SAMD9: variants seen among roughly 807,000 people sequenced by gnomAD.
SAMD9 encodes the protein sterile alpha motif domain-containing protein 9.
Under a neutral mutation model 1.5 loss-of-function variants are expected in SAMD9, and 3 were observed. That is an observed-to-expected ratio of 2.05 (90% CI 0.93 to 5.29). The LOEUF (loss-of-function observed/expected upper bound fraction) is 5.29. Ranked by LOEUF, SAMD9 falls within the 30% of genes most tolerant of loss-of-function variation. The probability of loss-of-function intolerance (pLI) is 0.02; values close to 1 mark genes in which losing one functional copy is unlikely to be tolerated. For missense variants in SAMD9, 1,597 were observed against 1,820.8 expected, an observed-to-expected ratio of 0.88 and a Z score of 2.24; for synonymous variants, 635 against 631.9, an observed-to-expected ratio of 1.00 and a Z score of -0.07.
Position 93,101,236 on chromosome 7 carries a change from C to G in SAMD9, c.*92G>C. 1 of 957,492 alleles carries G rather than the reference C, an allele frequency of 1.0e-6. No homozygotes were observed. The highest frequency in any genetic ancestry group is 1.3e-5 in the South Asian group (1 of 77,670). The allele number at this position is 957,492 out of a possible 1,614,324, so 59.3% of individuals were successfully genotyped here. ...AGATCTGAAGAGCTAGAGGCTGTAT[C>G]TATAACCTTGCCGGTTTAAAGCATA... On this transcript the variant is annotated 3_prime_UTR_variant, in exon 3 of 3. Coordinates refer to ENST00000379958, the MANE Select transcript of SAMD9 (RefSeq NM_017654.4).
In SAMD9 at chr7:93,101,865, T is replaced by C; in HGVS notation, c.4233A>G (p.Leu1411=). 6.2e-7 allele frequency: 1 copy of C among 1,613,914 alleles called. No individual in the cohort carries two copies. Among genetic ancestry groups the C allele is most frequent in the Non-Finnish European group, 8.5e-7 (1 of 1,179,808 alleles). The change falls in exon 3 of 3, where the codon CTA becomes CTG. Residue 1411 remains leucine (L), a synonymous_variant. Coordinates refer to ENST00000379958, the MANE Select transcript of SAMD9 (RefSeq NM_017654.4). The part of the protein sequence containing the change: ...TSRLVKPVEK[L]KDQLREVLQP... ...GCAAGACTTCTCGAAGCTGATCTTT[T>C]AGTTTTTCAACTGGCTTTACTAATC...
rs757777689 is a variant in SAMD9 at position 93,106,054 on chromosome 7, G to T, written c.44C>A (p.Thr15Lys). 6.0e-5 allele frequency: 96 copies of T among 1,592,156 alleles called. No homozygotes were observed. Among genetic ancestry groups the T allele is most frequent in the Non-Finnish European group, 8.0e-5 (94 of 1,173,816 alleles). ...TAACCACTGATTTACATCCTCTTTT[G>T]TCCAATCATCTGTATTTTCTGGAAG... ...LNLPENTDDWTKEDVNQWLES... is the reference protein window; with the variant it reads ...LNLPENTDDWKKEDVNQWLES... The change falls in exon 3 of 3, where the codon ACA (threonine) becomes AAA (lysine). Residue 15 changes from threonine (T) to lysine (K), a missense_variant. Coordinates refer to ENST00000379958, the MANE Select transcript of SAMD9 (RefSeq NM_017654.4).
Position 93,103,231 on chromosome 7 carries a change from A to C in SAMD9, c.2867T>G (p.Phe956Cys). The C allele has an allele frequency of 6.2e-7, 1 of 1,613,790 alleles. No individual in the cohort carries two copies. Among genetic ancestry groups the C allele is most frequent in the East Asian group, 2.2e-5 (1 of 44,868 alleles). The change falls in exon 3 of 3, where the codon TTT (phenylalanine) becomes TGT (cysteine). Residue 956 changes from phenylalanine to cysteine, a missense_variant. This residue lies in a region of SAMD9 where 682 missense variants were observed against 810.0 expected (regional missense o/e 0.84). Transcript: ENST00000379958. ...AGAGTAGGTGCCCATCTTGTCTTCAAATTTTTCTGTCCCCCAGAAAGCCTT... is the reference window on the plus strand; with the variant it reads ...AGAGTAGGTGCCCATCTTGTCTTCACATTTTTCTGTCCCCCAGAAAGCCTT... ...NKKAFWGTEK[F>C]EDKMGTYSTI... is the part of the protein sequence containing the mutation.
Position 93,109,357 on chromosome 7 carries a change from A to G in SAMD9, c.-8-3252T>C, listed in dbSNP as rs556231789. On this transcript the variant is annotated intron_variant, in intron 2 of 2. Coordinates refer to ENST00000379958, the MANE Select transcript of SAMD9 (RefSeq NM_017654.4). ...AACCACAAAGATGGGAAGAAACCAG[A>G]GCAGAAAAGCTGAAAATTCTGAAAA... 7.2e-5 allele frequency among the ~76,000 whole-genome samples: 11 copies of G among 152,352 alleles called. No individual in the cohort carries two copies. The South Asian group carries it at 1.7e-3, about 23-fold the overall frequency.
intron 2 of SAMD9, among the ~76,000 whole-genome samples, chr7:93,109,927 C>A (rs1162735836): frequency 6.6e-6 from 1 of 152,122 alleles, no homozygotes; most frequent in Non-Finnish European, 1.5e-5. Flanking sequence ...GCAAGGGAGG[C>A]CAACATTCAA....
rs1791496570 is a variant in SAMD9 at position 93,099,782 on chromosome 7, CA to C, written c.*1545del. On this transcript the variant is annotated 3_prime_UTR_variant, in exon 3 of 3. Transcript: ENST00000379958. ...ATCCAGCTTGCAGCCATTGTTAACT[CA>C]GGACTAATCTTGTTTCGGTTCTACT... 1.3e-5 allele frequency: 2 copies of C among 152,112 alleles called. No homozygotes were observed. Among genetic ancestry groups the C allele is most frequent in the South Asian group, 4.1e-4 (2 of 4,828 alleles). The allele number at this position is 152,112 out of a possible 1,614,324, so 9.4% of individuals were successfully genotyped here. A position where few individuals can be genotyped will look rare whatever the true frequency, so the allele number is the denominator to read the frequency against.
At chr7:93,106,604 A>C (rs979553138) in intron 2 of SAMD9, among the ~76,000 whole-genome samples, 1 of 152,258 alleles carries the variant, frequency 6.6e-6, no homozygotes, top group Non-Finnish European at 1.5e-5. Flanking sequence ...TTAGAAAGGG[A>C]TATAAGAACC....
chr7:93,107,659 A>G (rs1404101308), intron 2 of SAMD9, among the ~76,000 whole-genome samples: 1 of 152,162 alleles, frequency 6.6e-6, no homozygotes, highest in Non-Finnish European at 1.5e-5. Flanking sequence ...ACACAGAAAT[A>G]TTGTTTTCTA....
chr7:93,114,395 A>G (rs1043522995), intron 2 of SAMD9, among the ~76,000 whole-genome samples: 1 of 152,150 alleles, frequency 6.6e-6, no homozygotes, highest in African/African-American at 2.4e-5. Flanking sequence ...ACATGTATAC[A>G]TATGTAACAA....
Position 93,103,999 on chromosome 7 carries a change from C to G in SAMD9, c.2099G>C (p.Ser700Thr), listed in dbSNP as rs1230308617. 3 of 1,613,790 alleles carry G rather than the reference C, an allele frequency of 1.9e-6. No homozygotes were observed. The highest frequency in any genetic ancestry group is 2.5e-6 in the Non-Finnish European group (3 of 1,179,824). Residue 700 changes from serine to threonine, a missense_variant, in exon 3 of 3, where the codon AGT becomes ACT. This residue lies in a region of SAMD9 where 358 missense variants were observed against 460.4 expected (regional missense o/e 0.78). Coordinates refer to ENST00000379958, the MANE Select transcript of SAMD9 (RefSeq NM_017654.4). ...CCTTTTGACAAAAGGTGAAGAATAACTTTCAGAAGAGAAGTAGAAGTTCCA... is the reference window on the plus strand; with the variant it reads ...CCTTTTGACAAAAGGTGAAGAATAAGTTTCAGAAGAGAAGTAGAAGTTCCA... ...SWWNFYFSSE[S>T]YSSPFVKRDK...
Position 93,101,474 on chromosome 7 carries a change from C to CTA in SAMD9, c.4622_4623dup (p.Glu1542Ter). 1 of 1,613,736 alleles carries CTA rather than the reference C, an allele frequency of 6.2e-7. No homozygotes were observed. The highest frequency in any genetic ancestry group is 8.5e-7 in the Non-Finnish European group (1 of 1,179,728). On this transcript the variant is annotated frameshift_variant, in exon 3 of 3. Transcript: ENST00000379958. LOFTEE classifies it high-confidence loss of function. ...GTGATTTTTTCATTGATTCCATATT[C>CTA]TATATATAAACAATTGTTTTCAGCT...
At position 93,100,996 on chromosome 7, in the gene SAMD9, T is replaced by C. The variant is rs1791518127; in HGVS notation, c.*332A>G. On this transcript the variant is annotated 3_prime_UTR_variant, in exon 3 of 3. Transcript: ENST00000379958. Reference sequence around the variant, plus strand: ...CATTTGAGTAGACAATCTTCTTCAATCCATGCCTGGTAAGTAGTGGGGTTC... The same window carrying C: ...CATTTGAGTAGACAATCTTCTTCAACCCATGCCTGGTAAGTAGTGGGGTTC... 1 of 325,972 alleles carries C rather than the reference T, an allele frequency of 3.1e-6. No individual in the cohort carries two copies. The highest frequency in any genetic ancestry group is 5.7e-6 in the Non-Finnish European group (1 of 174,956). 20.2% of individuals were successfully genotyped at this position (325,972 alleles called of 1,614,324 possible). A position where few individuals can be genotyped will look rare whatever the true frequency, so the allele number is the denominator to read the frequency against.
chr7:93,111,633 C>T (rs1013580131), intron 2 of SAMD9, among the ~76,000 whole-genome samples: 3 of 152,168 alleles, frequency 2.0e-5, no homozygotes, highest in Non-Finnish European at 4.4e-5. Context: ...GATATTACCA[C>T]CAATGCCACA....
In SAMD9 at chr7:93,104,042, C is replaced by G; in HGVS notation, c.2056G>C (p.Gly686Arg). ...KASKEEDFYRGGKVSWWNFYF... is the reference protein window; with the variant it reads ...KASKEEDFYRRGKVSWWNFYF... Reference sequence around the variant, plus strand: ...AAGTTCCACCATGACACTTTGCCACCTCGATAGAAGTCTTCCTCTTTTGAT... The same window carrying G: ...AAGTTCCACCATGACACTTTGCCACGTCGATAGAAGTCTTCCTCTTTTGAT... The change falls in exon 3 of 3, where the codon GGT (glycine) becomes CGT (arginine). Residue 686 changes from glycine to arginine, a missense_variant. Transcript: ENST00000379958. 6.2e-7 allele frequency: 1 copy of G among 1,613,952 alleles called. No homozygotes were observed. The highest frequency in any genetic ancestry group is 8.5e-7 in the Non-Finnish European group (1 of 1,179,878).
chr7:93,103,980 G>T lies in SAMD9; in HGVS notation c.2118C>A (p.Val706=). 6.2e-7 allele frequency: 1 copy of T among 1,613,590 alleles called. No homozygotes were observed. Among genetic ancestry groups the T allele is most frequent in the South Asian group, 1.1e-5 (1 of 91,032 alleles). ...FSSESYSSPF[V]KRDKYERLEA... ...CAAGTCTTTCATATTTATCCCTTTT[G>T]ACAAAAGGTGAAGAATAACTTTCAG... The change falls in exon 3 of 3, where the codon GTC becomes GTA. Residue 706 remains valine (V), a synonymous_variant. Coordinates refer to ENST00000379958, the MANE Select transcript of SAMD9 (RefSeq NM_017654.4).
rs543007243 is a variant in SAMD9, at chr7:93,105,068, G to A, written c.1030C>T (p.Arg344Ter). Reference sequence around the variant, plus strand: ...ATGTCCTTAGAGCTGGTCCCATCTCGCACAAATAGTGAGAATTTTTTACTT... The same window carrying A: ...ATGTCCTTAGAGCTGGTCCCATCTCACACAAATAGTGAGAATTTTTTACTT... ...EQSKKFSLFVRDGTSSKDITK... is the reference protein window; with the variant it reads ...EQSKKFSLFV The change falls in exon 3 of 3, where the codon CGA (arginine) becomes TGA (stop). Residue 344 changes from arginine (R) to a stop codon, truncating the protein, a stop_gained. Coordinates refer to ENST00000379958, the MANE Select transcript of SAMD9 (RefSeq NM_017654.4). LOFTEE classifies it low-confidence loss of function (END_TRUNC). 37 of 1,613,776 alleles carry A rather than the reference G, an allele frequency of 2.3e-5. No homozygotes were observed. Among genetic ancestry groups the A allele is most frequent in the South Asian group, 9.9e-5 (9 of 91,062 alleles).
intron 2 of SAMD9, among the ~76,000 whole-genome samples, chr7:93,109,354 C>T (rs938317500): frequency 6.6e-6 from 1 of 152,130 alleles, no homozygotes; most frequent in Non-Finnish European, 1.5e-5. Flanking sequence ...GGGAAGAAAC[C>T]AGAGCAGAAA....
chr7:93,102,043 A>G lies in SAMD9; in HGVS notation c.4055T>C (p.Ile1352Thr). 1 of 1,613,266 alleles carries G rather than the reference A, an allele frequency of 6.2e-7. No homozygotes were observed. The highest frequency in any genetic ancestry group is 8.5e-7 in the Non-Finnish European group (1 of 1,179,668). Residue 1352 changes from isoleucine (I) to threonine (T), a missense_variant, in exon 3 of 3, where the codon ATC (isoleucine) becomes ACC (threonine). By Grantham distance (89) the Ile-to-Thr change is moderately conservative (BLOSUM62 -1). This residue lies in a region of SAMD9 where 682 missense variants were observed against 810.0 expected (regional missense o/e 0.84). Coordinates refer to ENST00000379958, the MANE Select transcript of SAMD9 (RefSeq NM_017654.4). ...GCTTATAGCATCCTCTTGACTTTTG[A>G]TAAGATATTCCAAGAGCCCAGAAAA... ...DKFSGLLEYLIKSQEDAISTM... is the reference protein window; with the variant it reads ...DKFSGLLEYLTKSQEDAISTM...
Position 93,105,681 on chromosome 7 carries a change from T to G in SAMD9, c.417A>C (p.Lys139Asn). ...STTAKGSKSL[K>N]VELIEDKIDY... ...CTATTTTATCTTCTATGAGCTCAACTTTTAGTGACTTAGAACCTTTAGCAG... is the reference window on the plus strand; with the variant it reads ...CTATTTTATCTTCTATGAGCTCAACGTTTAGTGACTTAGAACCTTTAGCAG... Residue 139 changes from lysine to asparagine, a missense_variant, in exon 3 of 3, where the codon AAA becomes AAC. Around this residue, in one of 6 missense-constraint regions of SAMD9, gnomAD observed 498 missense variants for 457.4 expected, o/e 1.09. Coordinates refer to ENST00000379958, the MANE Select transcript of SAMD9 (RefSeq NM_017654.4). 2 of 1,614,156 alleles carry G rather than the reference T, an allele frequency of 1.2e-6. No homozygotes were observed. Among genetic ancestry groups the G allele is most frequent in the Non-Finnish European group, 1.7e-6 (2 of 1,180,014 alleles).
Sources: gnomAD v4.1 joint callset for allele counts (sites outside exome capture counted in the v4.1 genomes callset) on GRCh38, gnomAD v4.1.1 for gene constraint, gnomAD v4.1.1 regional missense constraint, MANE v1.5 for transcripts, NCBI Gene and HGNC (gene_info 2026-07-23, HGNC 2026-07-21) for gene names.